Variants in RBFOX3 observed in about 807,000 individuals in gnomAD.
RBFOX3 encodes RNA binding protein fox-1 homolog 3.
In RBFOX3, 17 loss-of-function variants were observed where a neutral mutation model predicts 48.7. The ratio of observed to expected loss-of-function variants is 0.35; its 90% confidence interval spans 0.24 to 0.52. The LOEUF (loss-of-function observed/expected upper bound fraction) is 0.52. RBFOX3 is among the 20% of genes least tolerant of loss of function. The probability of loss-of-function intolerance (pLI) is 0.94; values close to 1 mark genes in which losing one functional copy is unlikely to be tolerated. For missense variants in RBFOX3, 382 were observed against 497.5 expected, an observed-to-expected ratio of 0.77 and a Z score of 2.21; for synonymous variants, 212 against 209.5, an observed-to-expected ratio of 1.01 and a Z score of -0.10.
At chr17:79,225,589 C>T (rs1036605090) in intron 4 of RBFOX3, among the ~76,000 whole-genome samples, 5 of 150,740 alleles carry the variant, frequency 3.3e-5, no homozygotes, top group Non-Finnish European at 7.4e-5. Context: ...TGTGCCCAGC[C>T]CCCGGATCAA....
At chr17:79,438,104 G>GCGCACA (rs1555732313) in intron 2 of RBFOX3, among the ~76,000 whole-genome samples, 5 of 150,686 alleles carry the variant, frequency 3.3e-5, no homozygotes, top group African/African-American at 1.2e-4. Flanking sequence ...GTGCACAGGC[G>GCGCACA]CACACACACA....
intron 2 of RBFOX3, among the ~76,000 whole-genome samples, chr17:79,422,382 C>T (rs2066574005): frequency 6.6e-6 from 1 of 151,794 alleles, no homozygotes; most frequent in Admixed American, 6.5e-5. Flanking sequence ...CCACAGCACC[C>T]CCACTGCCTC....
At chr17:79,321,074 C>G (rs938203584) in intron 2 of RBFOX3, among the ~76,000 whole-genome samples, 4 of 152,214 alleles carry the variant, frequency 2.6e-5, no homozygotes, top group African/African-American at 9.6e-5. Context: ...TGCCAATATC[C>G]ATGTGCCACG....
intron 2 of RBFOX3, among the ~76,000 whole-genome samples, chr17:79,332,156 T>C (rs1247026277): frequency 6.6e-6 from 1 of 152,274 alleles, no homozygotes; most frequent in East Asian, 1.9e-4. Context: ...CTGCCTTCTT[T>C]CCCCACACCC....
chr17:79,196,141 C>T (rs1349816849), intron 4 of RBFOX3, among the ~76,000 whole-genome samples: 2 of 152,128 alleles, frequency 1.3e-5, no homozygotes, highest in African/African-American at 4.8e-5. Flanking sequence ...GAAGTGGAGG[C>T]CGGGATGCGG....
At chr17:79,611,168 CTCTCTCCGCCCTCCT>C (rs2093963660), upstream of RBFOX3, among the ~76,000 whole-genome samples, 19 of 33,232 alleles carry the variant, frequency 5.7e-4, 1 homozygote, top group East Asian at 4.1e-3. Context: ...CTCTCTCTCT[CTCTCTCCGCCCTCCT>C]TCTCTCTCTC....
At chr17:79,091,545 G>A (rs1326333833) in intron 14 of RBFOX3, among the ~76,000 whole-genome samples, 2 of 152,216 alleles carry the variant, frequency 1.3e-5, no homozygotes, top group Non-Finnish European at 2.9e-5. Flanking sequence ...AGGAAGGAGT[G>A]GCCCGCAGGC....
chr17:79,509,292 A>G (rs1340614262), intron 1 of RBFOX3, among the ~76,000 whole-genome samples: 1 of 152,056 alleles, frequency 6.6e-6, no homozygotes, highest in Admixed American at 6.5e-5. Flanking sequence ...GTCTCTCTCT[A>G]GGACGCTGGA....
chr17:79,626,756 T>A, the RBFOX3 span, among the ~76,000 whole-genome samples: 1 of 152,196 alleles, frequency 6.6e-6, no homozygotes, highest in African/African-American at 2.4e-5. Flanking sequence ...TGAGCCTTCT[T>A]GGGCCAAGCA....
At chr17:79,370,956 C>T (rs2058451832) in intron 2 of RBFOX3, among the ~76,000 whole-genome samples, 3 of 152,158 alleles carry the variant, frequency 2.0e-5, no homozygotes, top group Non-Finnish European at 2.9e-5. Flanking sequence ...GAGCTCCCAG[C>T]AGGTGCTTGT....
Position 79,180,036 on chromosome 17 carries a change from A to T in RBFOX3, c.-34+55730T>A, listed in dbSNP as rs762277873. Among the ~76,000 whole-genome samples the T allele has an allele frequency of 1.4e-3, 209 of 152,156 alleles. 1 individual carries two copies. The highest frequency in any genetic ancestry group is 2.0e-3 in the Admixed American group (31 of 15,270). On this transcript the variant is annotated intron_variant, in intron 4 of 14. Coordinates refer to ENST00000693108, the MANE Select transcript of RBFOX3 (RefSeq NM_001350451.2). Reference sequence around the variant, plus strand: ...GGTCACCCCTCATGAGCTCTTAACAAACACCAGAGCCCAATGCACAGCTGG... The same window carrying T: ...GGTCACCCCTCATGAGCTCTTAACATACACCAGAGCCCAATGCACAGCTGG...
chr17:79,563,387 G>T (rs1463910551), intron 1 of RBFOX3, among the ~76,000 whole-genome samples: 3 of 152,194 alleles, frequency 2.0e-5, no homozygotes, highest in Non-Finnish European at 4.4e-5. Flanking sequence ...CAAGGAAAGG[G>T]CAGGATCCCT....
intron 1 of RBFOX3, among the ~76,000 whole-genome samples, chr17:79,538,603 C>CAGG (rs2089224616): frequency 6.6e-6 from 1 of 152,246 alleles, no homozygotes; most frequent in Non-Finnish European, 1.5e-5. Context: ...TCGCCAGCCC[C>CAGG]TGCCTTTAGG....
chr17:79,620,013 AC>A, the RBFOX3 span, among the ~76,000 whole-genome samples: 3 of 150,306 alleles, frequency 2.0e-5, no homozygotes, highest in East Asian at 5.9e-4. Context: ...ATGCACATGC[AC>A]ACACACACGT....
intron 2 of RBFOX3, among the ~76,000 whole-genome samples, chr17:79,359,451 C>G (rs1321992727): frequency 6.6e-6 from 1 of 152,234 alleles, no homozygotes; most frequent in Admixed American, 6.5e-5. Flanking sequence ...CATCCTCCCC[C>G]ACAAATTCCA....
intron 3 of RBFOX3, among the ~76,000 whole-genome samples, chr17:79,278,717 T>C (rs2069530813): frequency 6.6e-6 from 1 of 152,256 alleles, no homozygotes; most frequent in Non-Finnish European, 1.5e-5. Context: ...GACTTAAGCC[T>C]CTACCCTGTC....
At chr17:79,369,022 C>G (rs2058162129) in intron 2 of RBFOX3, among the ~76,000 whole-genome samples, 2 of 152,156 alleles carry the variant, frequency 1.3e-5, no homozygotes, top group African/African-American at 4.8e-5. Context: ...AGCCCACGGC[C>G]CACCACACAA....
chr17:79,132,101 C>T (rs933139820), intron 4 of RBFOX3, among the ~76,000 whole-genome samples: 3 of 151,960 alleles, frequency 2.0e-5, no homozygotes, highest in East Asian at 1.9e-4. Flanking sequence ...AGGTGCAGAG[C>T]GGGGTGCTGG....
At chr17:79,177,214 C>A (rs988042101) in intron 4 of RBFOX3, among the ~76,000 whole-genome samples, 1 of 152,126 alleles carries the variant, frequency 6.6e-6, no homozygotes, top group Admixed American at 6.5e-5. Flanking sequence ...TCCTCTCCCC[C>A]CCCGCCCTCT....
Sources: gnomAD v4.1 joint callset for allele counts (sites outside exome capture counted in the v4.1 genomes callset) on GRCh38, gnomAD v4.1.1 for gene constraint, MANE v1.5 for transcripts, NCBI Gene and HGNC (gene_info 2026-07-23, HGNC 2026-07-21) for gene names.